DNM2: variants seen among roughly 807,000 people sequenced by gnomAD.
DNM2 encodes the protein dynamin 2.
In DNM2, 15 loss-of-function variants were observed where a neutral mutation model predicts 99.0. The observed-to-expected ratio is 0.15, with a 90% confidence interval of 0.10 to 0.23. DNM2 has a LOEUF of 0.23. Among genes scored for constraint, DNM2 ranks in the 10% least tolerant of loss-of-function variants. DNM2 has a pLI of 1.00. For missense variants in DNM2, 742 were observed against 1,189.4 expected (o/e 0.62, Z 5.53); for synonymous variants, 525 against 481.2 (o/e 1.09, Z -1.19).
At position 10,759,109 on chromosome 19, in the gene DNM2, T is replaced by TTTTAG. The variant is rs371435868; in HGVS notation, c.162-605_162-601dup. Among the ~76,000 whole-genome samples, 667 of 152,276 alleles carry TTTTAG rather than the reference T, an allele frequency of 4.4e-3. 6 individuals carry two copies. Among genetic ancestry groups the TTTTAG allele is most frequent in the African/African-American group, 0.015 (628 of 41,544 alleles). On this transcript the variant is annotated intron_variant, in intron 1 of 20. Transcript: ENST00000389253. ...GGCGTGGGCCACCACGCCCAGCTAA[T>TTTTAG]TTTAGTTTAGTTTAGTTTAGTTTAG...
At position 10,764,363 on chromosome 19, in the gene DNM2, C is replaced by G. The variant is rs942127247; in HGVS notation, c.235+4552C>G. Among the ~76,000 whole-genome samples, 3 of 152,228 alleles carry G rather than the reference C, an allele frequency of 2.0e-5. No homozygotes were observed. Among genetic ancestry groups the G allele is most frequent in the East Asian group, 3.8e-4 (2 of 5,196 alleles). On this transcript the variant is annotated intron_variant, in intron 2 of 20. Coordinates refer to ENST00000389253, the MANE Select transcript of DNM2 (RefSeq NM_001005361.3). This position sits in a 1 kb window ranked among gnomAD's most constrained non-coding sequence, Gnocchi z 4.1. ...GGGCCCCCAGGGCGCAGCCCACGTT[C>G]CCCTCTGGTTCCCGCAGCTTGCCCT...
intron 1 of DNM2, among the ~76,000 whole-genome samples, chr19:10,726,322 A>G (rs2069115442): frequency 1.3e-5 from 2 of 152,088 alleles, no homozygotes; most frequent in South Asian, 4.2e-4. Flanking sequence ...TGGCTTCCCA[A>G]AGTGGTGGAA....
chr19:10,774,784 T>A (rs1047808643), intron 3 of DNM2, among the ~76,000 whole-genome samples: 3 of 150,208 alleles, frequency 2.0e-5, no homozygotes, highest in Admixed American at 1.3e-4. Context: ...TATTTATTTT[T>A]TTTTTTTTTT....
At chr19:10,776,341 A>T (rs547754258) in intron 4 of DNM2, among the ~76,000 whole-genome samples, 2 of 152,248 alleles carry the variant, frequency 1.3e-5, no homozygotes, top group East Asian at 3.9e-4. Context: ...GCATGGTGAG[A>T]TCGTCTATTT....
intron 19 of DNM2, 126 bp downstream of exon 19, chr19:10,829,394 T>C (rs571206974): frequency 8.1e-7 from 1 of 1,228,718 alleles, no homozygotes; most frequent in Admixed American, 2.0e-5. Context: ...GGCTGGGCAC[T>C]GTGGGAGCTG....
chr19:10,790,299 T>TTGTC (rs2071708591), intron 7 of DNM2, among the ~76,000 whole-genome samples: 2 of 151,404 alleles, frequency 1.3e-5, no homozygotes, highest in South Asian at 4.2e-4. Flanking sequence ...GTTTTTTTGT[T>TTGTC]TGTTTGTTTG....
At chr19:10,805,673 C>T (rs989584526) in intron 12 of DNM2, among the ~76,000 whole-genome samples, 4 of 152,178 alleles carry the variant, frequency 2.6e-5, no homozygotes, top group Middle Eastern at 3.2e-3. Flanking sequence ...TGGAAGTAAC[C>T]TGCGCTTTAG....
At chr19:10,719,171 A>G (rs2068853948) in intron 1 of DNM2, among the ~76,000 whole-genome samples, 1 of 151,744 alleles carries the variant, frequency 6.6e-6, no homozygotes, top group South Asian at 2.1e-4. Flanking sequence ...CTGTCTGGCC[A>G]TCTCCTAGTC....
At position 10,817,814 on chromosome 19, in the gene DNM2, TGTGCGC is replaced by T. The variant is rs771851451; in HGVS notation, c.1672-2164_1672-2159del. Among the ~76,000 whole-genome samples, 17 of 130,096 alleles carry T rather than the reference TGTGCGC, an allele frequency of 1.3e-4. No individual in the cohort carries two copies. The highest frequency in any genetic ancestry group is 2.4e-4 in the Non-Finnish European group (14 of 57,896). The allele number at this position is 130,096 out of a possible 152,430, so 85.3% of individuals were successfully genotyped here. A position where few individuals can be genotyped will look rare whatever the true frequency, so the allele number is the denominator to read the frequency against. ...GCGCACACACACGTGTGTGTGTGTGTGTGCGCGCGCGCGCACGCGTGCGTGCCGGCA... is the reference window on the plus strand; with the variant it reads ...GCGCACACACACGTGTGTGTGTGTGTGCGCGCGCACGCGTGCGTGCCGGCA... On this transcript the variant is annotated intron_variant, in intron 15 of 20. Transcript: ENST00000389253. The surrounding 1 kb of genome is among the most constrained non-coding windows in gnomAD (Gnocchi z 4.6).
chr19:10,767,645 C>T (rs947671985), intron 2 of DNM2, among the ~76,000 whole-genome samples: 20 of 152,218 alleles, frequency 1.3e-4, no homozygotes, highest in Admixed American at 5.9e-4. Context: ...ATGGCTCATG[C>T]CTGTAATCCC....
intron 6 of DNM2, among the ~76,000 whole-genome samples, chr19:10,785,852 C>G (rs1472676634): frequency 1.3e-5 from 2 of 151,856 alleles, no homozygotes; most frequent in Non-Finnish European, 2.9e-5. Flanking sequence ...GCTCTGTCAC[C>G]CAGGCTGGAG....
Position 10,817,655 on chromosome 19 carries a change from T to A in DNM2, c.1672-2325T>A, listed in dbSNP as rs990935635. ...GTGGCAAGGCTGGGGCCGGCTCGCA[T>A]CTGGAGAAAGTTCTGGGTTTTCAGG... is the stretch of plus-strand genomic sequence containing the variant. On this transcript the variant is annotated intron_variant, in intron 15 of 20. Coordinates refer to ENST00000389253, the MANE Select transcript of DNM2 (RefSeq NM_001005361.3). This position sits in a 1 kb window ranked among gnomAD's most constrained non-coding sequence, Gnocchi z 4.6. Among the ~76,000 whole-genome samples the A allele has an allele frequency of 4.0e-5, 6 of 151,112 alleles. No individual in the cohort carries two copies. The highest frequency in any genetic ancestry group is 3.9e-4 in the Admixed American group (6 of 15,194).
Position 10,730,935 on chromosome 19 carries a change from G to A in DNM2, c.161+12532G>A, listed in dbSNP as rs79955488. 4.5e-3 allele frequency among the ~76,000 whole-genome samples: 691 copies of A among 152,324 alleles called. 6 individuals are homozygous for A. The highest frequency in any genetic ancestry group is 0.016 in the African/African-American group (671 of 41,580). ...CGCTCCCATGGCAGACCTATGGGGC[G>A]GTAGACAAGAGGCCAGCAGAGCTGT... On this transcript the variant is annotated intron_variant, in intron 1 of 20. Coordinates refer to ENST00000389253, the MANE Select transcript of DNM2 (RefSeq NM_001005361.3).
Position 10,831,359 on chromosome 19 carries a change from G to C in DNM2, c.*312G>C. The stretch of plus-strand genomic sequence containing the variant: ...TGAATGAGGGGTCCAGCCTGGGGGG[G>C]ACTCTACCAAGGTCTTCTTGGGCTG... On this transcript the variant is annotated 3_prime_UTR_variant, in exon 21 of 21. Coordinates refer to ENST00000389253, the MANE Select transcript of DNM2 (RefSeq NM_001005361.3). The surrounding 1 kb of genome is among the most constrained non-coding windows in gnomAD (Gnocchi z 4.3). 1 of 1,145,960 alleles carries C rather than the reference G, an allele frequency of 8.7e-7. No homozygotes were observed. Among genetic ancestry groups the C allele is most frequent in the Non-Finnish European group, 1.1e-6 (1 of 931,764 alleles). The allele number at this position is 1,145,960 out of a possible 1,614,324, so 71.0% of individuals were successfully genotyped here.
At chr19:10,807,214 A>G (rs1404469710) in intron 13 of DNM2, among the ~76,000 whole-genome samples, 1 of 152,008 alleles carries the variant, frequency 6.6e-6, no homozygotes, top group Non-Finnish European at 1.5e-5. Context: ...CTGGGATTAC[A>G]GGTGCTCACC....
chr19:10,743,868 T>G (rs1381666754), intron 1 of DNM2, among the ~76,000 whole-genome samples: 4 of 145,348 alleles, frequency 2.8e-5, no homozygotes, highest in African/African-American at 1.0e-4. Flanking sequence ...GCGCCTGTAG[T>G]CCCAGCTACT....
At position 10,825,148 on chromosome 19, in the gene DNM2, C is replaced by T; in HGVS notation, c.1985C>T (p.Ser662Leu). ...GAGACCATTCGCAACCTGGTGGACTCATACGTGGCCATCATCAACAAGTCC... is the reference window on the plus strand; with the variant it reads ...GAGACCATTCGCAACCTGGTGGACTTATACGTGGCCATCATCAACAAGTCC... ...QVETIRNLVD[S>L]YVAIINKSIR... The change falls in exon 18 of 21, where the codon TCA becomes TTA. Residue 662 changes from serine (S) to leucine (L), a missense_variant. Coordinates refer to ENST00000389253, the MANE Select transcript of DNM2 (RefSeq NM_001005361.3). The T allele has an allele frequency of 6.2e-7, 1 of 1,614,230 alleles. No individual in the cohort carries two copies. The highest frequency in any genetic ancestry group is 8.5e-7 in the Non-Finnish European group (1 of 1,180,052).
chr19:10,738,012 G>C (rs900910510), intron 1 of DNM2, among the ~76,000 whole-genome samples: 1 of 152,164 alleles, frequency 6.6e-6, no homozygotes, highest in African/African-American at 2.4e-5. Context: ...GCTCTGACCT[G>C]AACTGCCACC....
In DNM2 at chr19:10,830,398, C is replaced by G. The variant is rs534787337; in HGVS notation, c.2543+20C>G. The G allele has an allele frequency of 6.2e-7, 1 of 1,603,442 alleles. No homozygotes were observed. The highest frequency in any genetic ancestry group is 8.5e-7 in the Non-Finnish European group (1 of 1,177,638). On this transcript the variant is annotated intron_variant, in intron 20 of 20. Coordinates refer to ENST00000389253, the MANE Select transcript of DNM2 (RefSeq NM_001005361.3). The surrounding 1 kb of genome is among the most constrained non-coding windows in gnomAD (Gnocchi z 4.8). ...GCCCAGGTAAGGCCAACCCCCTGCCCTCCACCCCAACTGCCTGCACCCTGG... is the reference window on the plus strand; with the variant it reads ...GCCCAGGTAAGGCCAACCCCCTGCCGTCCACCCCAACTGCCTGCACCCTGG...
Sources: allele counts gnomAD v4.1 joint callset (sites outside exome capture counted in the v4.1 genomes callset), GRCh38; gene constraint gnomAD v4.1.1; non-coding constraint Gnocchi (gnomAD v3.1); transcripts MANE v1.5; gene names NCBI Gene and HGNC (gene_info 2026-07-23, HGNC 2026-07-21).